OC90: variants seen among roughly 807,000 people sequenced by gnomAD.
OC90 encodes otoconin-90.
A neutral mutation model predicts 47.3 loss-of-function variants in OC90; 46 were observed. The observed-to-expected ratio is 0.97, with a 90% CI of 0.77 to 1.24. The LOEUF is 1.24. Ranked by LOEUF, OC90 falls within the 50% of genes most tolerant of loss-of-function variation. The pLI is 0.00. For missense variants in OC90, 688 were observed against 583.9 expected (o/e 1.18, Z -1.84); for synonymous variants, 271 against 219.5 (o/e 1.23, Z -2.07).
intron 12 of OC90, among the ~76,000 whole-genome samples, chr8:132,029,463 A>G (rs563639618): frequency 6.6e-6 from 1 of 152,356 alleles, no homozygotes; most frequent in East Asian, 1.9e-4. Flanking sequence ...GTTCATGGCA[A>G]AGATAGGTTA....
chr8:132,045,995 A>G, intron 2 of OC90, 112 bp from the exon 3 acceptor site: 1 of 678,630 alleles, frequency 1.5e-6, no homozygotes, highest in Middle Eastern at 2.4e-4. Flanking sequence ...ACATAAATTC[A>G]ATTCCATGCA....
At chr8:132,044,553 C>G in intron 3 of OC90, 64 bp from the exon 4 acceptor site, 1 of 886,816 alleles carries the variant, frequency 1.1e-6, no homozygotes, top group East Asian at 2.6e-5. Context: ...TCCCTGTCCA[C>G]CCTCTAGGTA....
At chr8:132,058,791 G>T (rs1481036615) in intron 1 of OC90, among the ~76,000 whole-genome samples, 1 of 152,120 alleles carries the variant, frequency 6.6e-6, no homozygotes, top group Admixed American at 6.5e-5. Flanking sequence ...CGTGGGCGGG[G>T]TCATTGCCCA....
intron 8 of OC90, among the ~76,000 whole-genome samples, chr8:132,037,840 T>G (rs539994980): frequency 5.9e-5 from 9 of 152,070 alleles, no homozygotes; most frequent in Non-Finnish European, 1.2e-4. Flanking sequence ...ATAAAAACAG[T>G]GCTGGACTCA....
At chr8:132,028,721 A>AAAGG (rs1822818483) in intron 13 of OC90, among the ~76,000 whole-genome samples, 4 of 147,398 alleles carry the variant, frequency 2.7e-5, no homozygotes, top group Admixed American at 2.0e-4. Flanking sequence ...AGAAAGAAAG[A>AAAGG]AAGAGAAAGA....
At chr8:132,034,612 C>A (rs909034012) in intron 10 of OC90, among the ~76,000 whole-genome samples, 169 bp downstream of exon 10, 1 of 152,214 alleles carries the variant, frequency 6.6e-6, no homozygotes, top group South Asian at 2.1e-4. Context: ...CTCCCTGGAC[C>A]AGCTGCCACA....
In OC90 at chr8:132,037,443, C is replaced by A. The variant is rs758352391; in HGVS notation, c.674G>T (p.Gly225Val). ...ACTAGCCCCTTCTGGCTCACCTTCTCCTGAAAGGGCTGTCAGGCTGGTGTC... is the reference window on the plus strand; with the variant it reads ...ACTAGCCCCTTCTGGCTCACCTTCTACTGAAAGGGCTGTCAGGCTGGTGTC... The part of the protein sequence containing the change: ...PTDTSLTALS[G>V]EEAGHDQEGV... Residue 225 changes from glycine (G) to valine (V), a missense_variant, in exon 9 of 14, where the codon GGA (glycine) becomes GTA (valine). Gly to Val is a moderately radical substitution (Grantham distance 109, BLOSUM62 -3). Coordinates refer to ENST00000254627, the MANE Select transcript of OC90 (RefSeq NM_001080399.3). 5.1e-6 allele frequency: 8 copies of A among 1,583,132 alleles called. No homozygotes were observed. In the South Asian group the frequency reaches 8.1e-5, roughly 16 times the overall value.
intron 1 of OC90, among the ~76,000 whole-genome samples, chr8:132,057,143 A>G (rs1052472501): frequency 6.6e-6 from 1 of 152,248 alleles, no homozygotes; most frequent in Non-Finnish European, 1.5e-5. Flanking sequence ...GCTCAAAAGC[A>G]TTAAGAATTA....
At chr8:132,028,400 G>T (rs996825843) in intron 13 of OC90, among the ~76,000 whole-genome samples, 3 of 151,984 alleles carry the variant, frequency 2.0e-5, no homozygotes, top group Non-Finnish European at 4.4e-5. Context: ...TACTTGGGAG[G>T]CTGAGGGAGG....
At chr8:132,038,336 C>A (rs1822999586) in intron 8 of OC90, among the ~76,000 whole-genome samples, 1 of 152,146 alleles carries the variant, frequency 6.6e-6, no homozygotes, top group African/African-American at 2.4e-5. Flanking sequence ...GCTGCAGGCG[C>A]TGGAGAGTGC....
intron 1 of OC90, among the ~76,000 whole-genome samples, chr8:132,058,358 G>A (rs1220959079): frequency 6.6e-6 from 1 of 152,172 alleles, no homozygotes. Flanking sequence ...GAAGTCTCTG[G>A]GGCTGTCGTG....
At chr8:132,037,866 T>G (rs1188587496) in intron 8 of OC90, among the ~76,000 whole-genome samples, 1 of 152,144 alleles carries the variant, frequency 6.6e-6, no homozygotes, top group African/African-American at 2.4e-5. Context: ...TACATAGAGA[T>G]ATGACATGCA....
intron 6 of OC90, 64 bp downstream of exon 6, chr8:132,040,980 A>G (rs1312198602): frequency 4.7e-5 from 46 of 987,056 alleles, no homozygotes; most frequent in Non-Finnish European, 7.2e-5. Flanking sequence ...AGCCTGGTCC[A>G]GGCTTGGGAT....
intron 7 of OC90, 75 bp downstream of exon 7, chr8:132,038,920 A>G: frequency 1.9e-6 from 3 of 1,608,986 alleles, no homozygotes; most frequent in Non-Finnish European, 2.6e-6. Flanking sequence ...TAGAGACATG[A>G]AGCAATAATT....
chr8:132,053,428 C>A (rs1484494929), intron 2 of OC90, among the ~76,000 whole-genome samples: 1 of 152,140 alleles, frequency 6.6e-6, no homozygotes, highest in Non-Finnish European at 1.5e-5. Context: ...ATAGTTGAAC[C>A]ACACCATCAA....
rs1586703524 is a variant in OC90 at position 132,024,431 on chromosome 8, G to A, written c.*50C>T. ...GAGGCTGAGAGATAAAGAGCTGAAG[G>A]TGGAGCAGGAGCCACGCTACTGAAG... On this transcript the variant is annotated 3_prime_UTR_variant, in exon 14 of 14. Coordinates refer to ENST00000254627, the MANE Select transcript of OC90 (RefSeq NM_001080399.3). 7.3e-7 allele frequency: 1 copy of A among 1,374,796 alleles called. No homozygotes were observed. 85.2% of individuals were successfully genotyped at this position (1,374,796 alleles called of 1,614,324 possible). A position where few individuals can be genotyped will look rare whatever the true frequency, so the allele number is the denominator to read the frequency against.
rs764957764 is a variant in OC90, at chr8:132,041,591, T to C, written c.278A>G (p.Asp93Gly). Residue 93 changes from aspartate (D) to glycine (G), a missense_variant, in exon 5 of 14, where the codon GAC (aspartate) becomes GGC (glycine). Coordinates refer to ENST00000254627, the MANE Select transcript of OC90 (RefSeq NM_001080399.3). Reference protein sequence around the residue: ...MKCVAGLCPRDFEDYGCTCRF... With the variant: ...MKCVAGLCPRGFEDYGCTCRF... ...GCAGGTGCAACCATAGTCTTCAAAG[T>C]CTCGGGGGCAGAGACCAGCCACACA... 6.2e-7 allele frequency: 1 copy of C among 1,613,070 alleles called. No individual in the cohort carries two copies. The highest frequency in any genetic ancestry group is 2.2e-5 in the East Asian group (1 of 44,772).
chr8:132,045,732 G>A, intron 3 of OC90, 86 bp downstream of exon 3: 1 of 758,942 alleles, frequency 1.3e-6, no homozygotes, highest in Non-Finnish European at 2.3e-6. Flanking sequence ...GTGGCTCTAG[G>A]GTGTATTCAG....
chr8:132,047,297 T>C (rs569296845), intron 2 of OC90, among the ~76,000 whole-genome samples: 3 of 150,678 alleles, frequency 2.0e-5, no homozygotes, highest in African/African-American at 7.3e-5. Context: ...CTATTACTTA[T>C]TAATGCGTAT....
Sources: allele counts gnomAD v4.1 joint callset (sites outside exome capture counted in the v4.1 genomes callset), GRCh38; gene constraint gnomAD v4.1.1; transcripts MANE v1.5; gene names NCBI Gene and HGNC (gene_info 2026-07-23, HGNC 2026-07-21).